Variants in TENM4 observed in about 807,000 individuals in gnomAD.
TENM4 encodes teneurin-4.
In TENM4, 82 loss-of-function variants were observed where a neutral mutation model predicts 243.3. The ratio of observed to expected loss-of-function variants is 0.34; its 90% CI spans 0.28 to 0.40. The LOEUF (loss-of-function observed/expected upper bound fraction) is 0.40. TENM4 is among the 10% of genes least tolerant of loss of function. The pLI is 1.00. For synonymous variants in TENM4, 1,412 were observed against 1,456.3 expected (o/e 0.97, Z 0.69); for missense variants, 3,138 against 3,673.3 (o/e 0.85, Z 3.77).
chr11:79,355,896 T>C (rs535963289), intron 1 of TENM4, among the ~76,000 whole-genome samples: 1 of 152,314 alleles, frequency 6.6e-6, no homozygotes, highest in African/African-American at 2.4e-5. Flanking sequence ...CAATACAGTA[T>C]TTGTCAAGAT....
chr11:79,410,200 C>T (rs1183308997), intron 1 of TENM4, among the ~76,000 whole-genome samples: 1 of 152,174 alleles, frequency 6.6e-6, no homozygotes, highest in Non-Finnish European at 1.5e-5. Context: ...CACTTCCTTA[C>T]TTTCTCAGCA....
At chr11:79,035,580 G>A (rs555104808) in intron 6 of TENM4, among the ~76,000 whole-genome samples, 1 of 150,626 alleles carries the variant, frequency 6.6e-6, no homozygotes, top group African/African-American at 2.4e-5. Context: ...AGACAAAATC[G>A]CCCATAATTC....
At chr11:79,285,754 AC>A (rs386755335) in intron 2 of TENM4, among the ~76,000 whole-genome samples, 44 of 151,298 alleles carry the variant, frequency 2.9e-4, no homozygotes, top group African/African-American at 1.0e-3. Flanking sequence ...AGTGAAAAAA[AC>A]CAAAAAAAAA....
intron 3 of TENM4, among the ~76,000 whole-genome samples, chr11:79,189,710 A>G (rs906744592): frequency 6.6e-6 from 1 of 152,206 alleles, no homozygotes; most frequent in East Asian, 1.9e-4. Flanking sequence ...GTATTTGCCA[A>G]GTGGATTTTC....
chr11:79,117,129 A>G (rs1354891436), intron 4 of TENM4, among the ~76,000 whole-genome samples: 1 of 152,168 alleles, frequency 6.6e-6, no homozygotes, highest in South Asian at 2.1e-4. Flanking sequence ...TATGCTGTCC[A>G]ATTCAACTCA....
chr11:79,150,006 A>C (rs1403137929), intron 3 of TENM4, among the ~76,000 whole-genome samples: 2 of 152,180 alleles, frequency 1.3e-5, no homozygotes, highest in South Asian at 2.1e-4. Flanking sequence ...TCACCTAGGC[A>C]GGTAGAGGTG....
chr11:79,169,149 A>G (rs1862984513), intron 3 of TENM4, among the ~76,000 whole-genome samples: 1 of 152,218 alleles, frequency 6.6e-6, no homozygotes, highest in Non-Finnish European at 1.5e-5. Context: ...AGATGCATGA[A>G]TGAGCCTAGC....
chr11:78,985,493 G>A, intron 6 of TENM4, among the ~76,000 whole-genome samples: 1 of 151,970 alleles, frequency 6.6e-6, no homozygotes, highest in East Asian at 1.9e-4. Flanking sequence ...ATAGTTTAAA[G>A]CCATTTTGAT....
chr11:78,753,387 G>A (rs933471210), intron 19 of TENM4, among the ~76,000 whole-genome samples: 2 of 152,194 alleles, frequency 1.3e-5, no homozygotes, highest in African/African-American at 4.8e-5. Context: ...TGTAACTCTG[G>A]GCACTTGCTA....
chr11:78,671,015 A>T (rs1858311046), intron 31 of TENM4, among the ~76,000 whole-genome samples: 1 of 152,238 alleles, frequency 6.6e-6, no homozygotes, highest in African/African-American at 2.4e-5. Context: ...CTATTCAGGC[A>T]AGAGTGAGCT....
intron 6 of TENM4, among the ~76,000 whole-genome samples, chr11:79,057,621 T>C (rs1859975015): frequency 1.3e-5 from 2 of 152,208 alleles, no homozygotes; most frequent in Non-Finnish European, 2.9e-5. Context: ...TCATCATCAA[T>C]TTTCCCACTA....
At chr11:79,424,619 C>A (rs1283542416) in intron 1 of TENM4, among the ~76,000 whole-genome samples, 1 of 141,048 alleles carries the variant, frequency 7.1e-6, no homozygotes, top group Admixed American at 7.0e-5. Flanking sequence ...GGCAATAGAA[C>A]CAGACCCTGT....
intron 6 of TENM4, among the ~76,000 whole-genome samples, chr11:78,985,213 C>T (rs548745104): frequency 3.9e-5 from 6 of 152,076 alleles, no homozygotes; most frequent in Admixed American, 2.0e-4. Flanking sequence ...GTACCTACTC[C>T]GTGCCATGTC....
chr11:79,407,664 T>G (rs1429975140), intron 1 of TENM4, among the ~76,000 whole-genome samples: 3 of 152,228 alleles, frequency 2.0e-5, no homozygotes, highest in African/African-American at 7.2e-5. Flanking sequence ...TGTTGAAATT[T>G]GTATCACTTT....
intron 3 of TENM4, among the ~76,000 whole-genome samples, chr11:79,164,095 ATATAGTATATATACACTATATATACTAT>A (rs1862837483): frequency 8.8e-6 from 1 of 113,822 alleles, no homozygotes; most frequent in African/African-American, 3.7e-5. Context: ...TACTATGTAT[ATATAGTATATATACACTATATATACTAT>A]GTATATATAG....
intron 3 of TENM4, among the ~76,000 whole-genome samples, chr11:79,157,023 C>A (rs115783252): frequency 1.3e-5 from 2 of 152,162 alleles, no homozygotes; most frequent in East Asian, 1.9e-4. Flanking sequence ...TGAATGTTTG[C>A]GGAATGAGTG....
intron 1 of TENM4, among the ~76,000 whole-genome samples, chr11:79,335,736 T>A (rs749728165): frequency 6.6e-6 from 1 of 152,138 alleles, no homozygotes; most frequent in African/African-American, 2.4e-5. Flanking sequence ...AGAGGGGACA[T>A]GGTCTGGGAA....
chr11:79,426,707 A>G (rs1590958778), intron 1 of TENM4, among the ~76,000 whole-genome samples: 1 of 152,212 alleles, frequency 6.6e-6, no homozygotes, highest in African/African-American at 2.4e-5. Context: ...GAGGCCTGTG[A>G]ACCAGAAGGA....
intron 3 of TENM4, among the ~76,000 whole-genome samples, chr11:79,185,252 C>T (rs553601912): frequency 4.1e-4 from 63 of 152,206 alleles, no homozygotes; most frequent in Non-Finnish European, 8.1e-4. Context: ...GAGCTGAGAT[C>T]GTACCACTGC....
Sources: gnomAD v4.1 joint callset for allele counts (sites outside exome capture counted in the v4.1 genomes callset) on GRCh38, gnomAD v4.1.1 for gene constraint, MANE v1.5 for transcripts, NCBI Gene and HGNC (gene_info 2026-07-23, HGNC 2026-07-21) for gene names.